Variants in UNC13A observed in about 807,000 individuals in gnomAD.
UNC13A encodes the protein unc-13 homolog A.
In UNC13A, 61 loss-of-function variants were observed where a neutral mutation model predicts 219.7. That is an observed-to-expected ratio of 0.28 (90% confidence interval 0.23 to 0.34). The LOEUF is 0.34. Ranked by LOEUF, UNC13A falls within the 10% of genes least tolerant of loss-of-function variation. UNC13A has a pLI of 1.00. For missense variants in UNC13A, 1,476 were observed against 2,270.3 expected (o/e 0.65, Z 7.11); for synonymous variants, 920 against 884.6 (o/e 1.04, Z -0.71).
In UNC13A at chr19:17,646,206, C is replaced by T. The variant is rs144370942; in HGVS notation, c.2045-95G>A. ...ACACGCTGCAGGCTGATAATTGGGA[C>T]ACCTGCAGCATGGCTGGAGAGCAAT... is the stretch of plus-strand genomic sequence containing the variant. On this transcript the variant is annotated intron_variant, in intron 17 of 43. Coordinates refer to ENST00000519716, the MANE Select transcript of UNC13A (RefSeq NM_001080421.3). The T allele has an allele frequency of 3.4e-4, 526 of 1,527,300 alleles. 1 individual carries two copies. The African/African-American group carries it at 5.2e-3, about 15-fold the overall frequency. 94.6% of individuals were successfully genotyped at this position (1,527,300 alleles called of 1,614,324 possible).
intron 4 of UNC13A, among the ~76,000 whole-genome samples, chr19:17,670,569 G>A (rs2079766349): frequency 6.6e-6 from 1 of 151,632 alleles, no homozygotes; most frequent in African/African-American, 2.4e-5. Context: ...TACCTAGATT[G>A]TTGCAACCAT....
intron 2 of UNC13A, among the ~76,000 whole-genome samples, chr19:17,675,595 C>A (rs1420914252): frequency 1.4e-5 from 2 of 148,058 alleles, no homozygotes; most frequent in African/African-American, 5.0e-5. Flanking sequence ...CACGCCACTG[C>A]ACTCCAGCCT....
At chr19:17,651,861 T>C (rs1036018841) in intron 12 of UNC13A, among the ~76,000 whole-genome samples, 86 of 152,296 alleles carry the variant, frequency 5.6e-4, no homozygotes, top group African/African-American at 2.1e-3. Flanking sequence ...GTGCTGCTAT[T>C]TTAAAACCTG....
At chr19:17,667,646 TG>T (rs2079682312) in intron 6 of UNC13A, among the ~76,000 whole-genome samples, 1 of 151,956 alleles carries the variant, frequency 6.6e-6, no homozygotes, top group African/African-American at 2.4e-5. Context: ...GCTAATTTTT[TG>T]TACTTTTAGT....
intron 8 of UNC13A, among the ~76,000 whole-genome samples, chr19:17,661,875 T>C (rs1421545163): frequency 6.6e-6 from 1 of 152,072 alleles, no homozygotes; most frequent in African/African-American, 2.4e-5. Context: ...GTTTCATCTG[T>C]ATTTACAGTT....
intron 2 of UNC13A, 43 bp downstream of exon 2, chr19:17,675,969 C>T (rs981710176): frequency 2.6e-6 from 4 of 1,550,168 alleles, no homozygotes; most frequent in African/African-American, 2.7e-5. Flanking sequence ...GACAGACAGA[C>T]AGACAGACAA....
At chr19:17,677,676 C>T (rs2079926035) in intron 1 of UNC13A, among the ~76,000 whole-genome samples, 1 of 151,966 alleles carries the variant, frequency 6.6e-6, no homozygotes, top group Non-Finnish European at 1.5e-5. Flanking sequence ...CCTTTTCTTT[C>T]CTCCCTCTTT....
chr19:17,658,372 G>A, intron 8 of UNC13A, 103 bp from the exon 9 acceptor site: 3 of 1,130,976 alleles, frequency 2.7e-6, no homozygotes, highest in African/African-American at 1.5e-5. Flanking sequence ...CCGAAGAAGA[G>A]AATTTTTTAC....
chr19:17,629,913 AC>A (rs374701282), intron 30 of UNC13A, among the ~76,000 whole-genome samples: 10 of 119,340 alleles, frequency 8.4e-5, no homozygotes, highest in African/African-American at 2.9e-4. Flanking sequence ...CTCAATTTAA[AC>A]CCTAACCCCA....
intron 23 of UNC13A, 31 bp downstream of exon 23, chr19:17,639,809 G>A (rs768507057): frequency 1.9e-6 from 3 of 1,612,370 alleles, no homozygotes; most frequent in Non-Finnish European, 2.5e-6. Context: ...TGTGCGTGGG[G>A]TGAGCAAATT....
Position 17,610,117 on chromosome 19 carries a change from G to A in UNC13A, c.4652-18C>T, listed in dbSNP as rs1347563590. On this transcript the variant is annotated intron_variant, in intron 42 of 43. Coordinates refer to ENST00000519716, the MANE Select transcript of UNC13A (RefSeq NM_001080421.3). ...AGCCACCACTGTTGGAGGAAGTAGA[G>A]GGTAAGACAGGTCAGGTTCTCCCAG... The A allele has an allele frequency of 1.2e-6, 2 of 1,613,588 alleles. No individual in the cohort carries two copies. Among genetic ancestry groups the A allele is most frequent in the Non-Finnish European group, 1.7e-6 (2 of 1,179,572 alleles).
At chr19:17,652,446 T>G (rs1472117450) in intron 12 of UNC13A, among the ~76,000 whole-genome samples, 185 bp downstream of exon 12, 1 of 152,138 alleles carries the variant, frequency 6.6e-6, no homozygotes, top group Non-Finnish European at 1.5e-5. Context: ...CTTCAAAGAT[T>G]ACTGTCTTTT....
intron 41 of UNC13A, among the ~76,000 whole-genome samples, chr19:17,615,435 G>A (rs2144941182): frequency 6.6e-6 from 1 of 152,176 alleles, no homozygotes; most frequent in South Asian, 2.1e-4. Flanking sequence ...CACTTTGGAA[G>A]GCCGAGGCCA....
chr19:17,668,339 G>C, intron 5 of UNC13A, 149 bp from the exon 6 acceptor site: 1 of 691,090 alleles, frequency 1.4e-6, no homozygotes, highest in Non-Finnish European at 2.5e-6. Flanking sequence ...TGCGGTCTCA[G>C]GAGGGTGGAT....
At position 17,603,797 on chromosome 19, in the gene UNC13A, AT is replaced by A. The variant is rs10583159; in HGVS notation, c.*2256del. On this transcript the variant is annotated 3_prime_UTR_variant, in exon 44 of 44. Transcript: ENST00000519716. ...GCCCTAGAGCTCATCTAAGGGCAGG[AT>A]TTTTTTTTTTTTTTGGTGGGGTAGA... 0.36 allele frequency: 51,980 copies of A among 145,432 alleles called. 9,431 individuals carry two copies. Among genetic ancestry groups the A allele is most frequent in the African/African-American group, 0.49 (19,059 of 39,252 alleles). The allele number at this position is 145,432 out of a possible 1,614,324, so 9.0% of individuals were successfully genotyped here. A position where few individuals can be genotyped will look rare whatever the true frequency, so the allele number is the denominator to read the frequency against.
chr19:17,607,919 G>A (rs60833022), intron 43 of UNC13A, among the ~76,000 whole-genome samples: 7,923 of 121,642 alleles, frequency 0.065, 278 homozygotes, highest in Middle Eastern at 0.18. Flanking sequence ...TTGCTCTGTC[G>A]CCCAGGCTGG....
rs1413400554 is a variant in UNC13A, at chr19:17,646,024, C to T, written c.2132G>A (p.Arg711Gln). Reference protein sequence around the residue: ...VTVQVGKTKKRTKTIYGNLNP... With the variant: ...VTVQVGKTKKQTKTIYGNLNP... The stretch of plus-strand genomic sequence containing the variant: ...GAGGTTCCCATAGATGGTTTTTGTC[C>T]GTTTCTTGGTCTTCCCGACCTGGAC... The change falls in exon 18 of 44, where the codon CGG (arginine) becomes CAG (glutamine). Residue 711 changes from arginine (R) to glutamine (Q), a missense_variant. Coordinates refer to ENST00000519716, the MANE Select transcript of UNC13A (RefSeq NM_001080421.3). 6 of 1,613,528 alleles carry T rather than the reference C, an allele frequency of 3.7e-6. No homozygotes were observed. The highest frequency in any genetic ancestry group is 1.6e-4 in the Middle Eastern group (1 of 6,084).
intron 10 of UNC13A, 22 bp downstream of exon 10, chr19:17,655,861 C>T (rs1263707236): frequency 2.7e-6 from 4 of 1,500,434 alleles, no homozygotes; most frequent in Non-Finnish European, 3.5e-6. Context: ...GCCCCTCTGG[C>T]CCCTTGGCCC....
intron 25 of UNC13A, among the ~76,000 whole-genome samples, chr19:17,637,740 C>T (rs2076927791): frequency 1.3e-5 from 2 of 150,128 alleles, no homozygotes; most frequent in African/African-American, 4.9e-5. Flanking sequence ...CTCTAGTCAA[C>T]TGAATGTAAA....
Sources: gnomAD v4.1 joint callset for allele counts (sites outside exome capture counted in the v4.1 genomes callset) on GRCh38, gnomAD v4.1.1 for gene constraint, MANE v1.5 for transcripts, NCBI Gene and HGNC (gene_info 2026-07-23, HGNC 2026-07-21) for gene names.